The following PCDH9 variants were observed in gnomAD, a reference collection of about 807,000 sequenced individuals.
The protein encoded by PCDH9 is protocadherin 9.
PCDH9 carries 24 observed loss-of-function variants against 70.6 expected under a neutral mutation model. That is an observed-to-expected ratio of 0.34 (90% CI 0.25 to 0.48). PCDH9 has a LOEUF of 0.48. PCDH9 is among the 20% of genes least tolerant of loss of function. The probability of loss-of-function intolerance (pLI) is 0.99; values close to 1 mark genes in which losing one functional copy is unlikely to be tolerated. For synonymous variants in PCDH9, 562 were observed against 558.5 expected (o/e 1.01, Z -0.09); for missense variants, 1,281 against 1,503.6 (o/e 0.85, Z 2.45).
intron 3 of PCDH9, among the ~76,000 whole-genome samples, chr13:66,747,779 A>C (rs1310713217): frequency 1.3e-5 from 2 of 152,210 alleles, no homozygotes; most frequent in African/African-American, 4.8e-5. Context: ...TGAAGCACAC[A>C]TATGTATATA....
intron 2 of PCDH9, among the ~76,000 whole-genome samples, chr13:67,061,458 C>T (rs537910340): frequency 3.3e-5 from 5 of 152,032 alleles, no homozygotes; most frequent in African/African-American, 1.2e-4. Flanking sequence ...AAAATAATTG[C>T]TATATTCAAG....
intron 4 of PCDH9, among the ~76,000 whole-genome samples, chr13:66,448,641 A>G (rs916874138): frequency 7.2e-5 from 11 of 152,174 alleles, no homozygotes; most frequent in Non-Finnish European, 1.5e-4. Context: ...TGGGACAGAG[A>G]CTTAATTGTG....
chr13:66,938,681 C>T (rs2082957023), intron 2 of PCDH9, among the ~76,000 whole-genome samples: 1 of 152,066 alleles, frequency 6.6e-6, no homozygotes, highest in Non-Finnish European at 1.5e-5. Flanking sequence ...CTCACTTTTT[C>T]CCTCCACTCT....
At chr13:66,628,179 A>T (rs2077523540) in intron 4 of PCDH9, among the ~76,000 whole-genome samples, 1 of 152,196 alleles carries the variant, frequency 6.6e-6, no homozygotes, top group African/African-American at 2.4e-5. Flanking sequence ...TTTGGTCTAG[A>T]TGAACTTACC....
At chr13:67,121,855 G>T (rs1337009106) in intron 2 of PCDH9, among the ~76,000 whole-genome samples, 1 of 152,048 alleles carries the variant, frequency 6.6e-6, no homozygotes, top group African/African-American at 2.4e-5. Context: ...CATTTCTTCA[G>T]CTAGCTCTAG....
intron 3 of PCDH9, among the ~76,000 whole-genome samples, chr13:66,867,681 C>T (rs1561769): frequency 0.32 from 48,222 of 151,902 alleles, 8,794 homozygotes; most frequent in East Asian, 0.51. Flanking sequence ...CTTTCTTTGA[C>T]AACTTGGGTT....
intron 3 of PCDH9, among the ~76,000 whole-genome samples, chr13:66,636,569 T>A (rs1486488816): frequency 1.3e-5 from 2 of 152,140 alleles, no homozygotes; most frequent in Non-Finnish European, 1.5e-5. Flanking sequence ...TACATTGATA[T>A]TATGAAAATA....
intron 2 of PCDH9, among the ~76,000 whole-genome samples, chr13:67,199,613 A>G (rs2089160373): frequency 6.6e-6 from 1 of 152,052 alleles, no homozygotes. Context: ...ATTAAAGGAT[A>G]AAGGAATGGA....
At chr13:67,120,976 A>G (rs531248262) in intron 2 of PCDH9, among the ~76,000 whole-genome samples, 2 of 152,198 alleles carry the variant, frequency 1.3e-5, no homozygotes, top group East Asian at 1.9e-4. Flanking sequence ...GAAGCATTCC[A>G]TTGTTAACAC....
At chr13:67,163,665 T>G (rs769048099) in intron 2 of PCDH9, among the ~76,000 whole-genome samples, 1 of 152,190 alleles carries the variant, frequency 6.6e-6, no homozygotes, top group Non-Finnish European at 1.5e-5. Context: ...ATCCCAGAAT[T>G]TGCTGCGTCA....
chr13:67,142,387 G>A (rs995531257), intron 2 of PCDH9, among the ~76,000 whole-genome samples: 3 of 152,042 alleles, frequency 2.0e-5, no homozygotes, highest in African/African-American at 7.2e-5. Flanking sequence ...TAAAAAACAG[G>A]TATTTTACCA....
chr13:67,044,569 C>G (rs1212067372), intron 2 of PCDH9, among the ~76,000 whole-genome samples: 2 of 152,230 alleles, frequency 1.3e-5, no homozygotes, highest in Non-Finnish European at 2.9e-5. Flanking sequence ...TGCTCCAGGC[C>G]ATCCCTTTAA....
intron 2 of PCDH9, among the ~76,000 whole-genome samples, chr13:67,160,759 A>G (rs900298532): frequency 6.6e-6 from 1 of 152,196 alleles, no homozygotes. Context: ...AAAGTTACTT[A>G]CACTCACAGG....
At chr13:66,659,199 C>T (rs1428949170) in intron 3 of PCDH9, among the ~76,000 whole-genome samples, 3 of 152,232 alleles carry the variant, frequency 2.0e-5, no homozygotes, top group Admixed American at 1.3e-4. Context: ...GAATACTCTT[C>T]CACTAGTTTA....
intron 4 of PCDH9, among the ~76,000 whole-genome samples, chr13:66,378,914 A>G (rs1956794534): frequency 6.6e-6 from 1 of 152,224 alleles, no homozygotes; most frequent in Admixed American, 6.5e-5. Context: ...GCTGAATTAG[A>G]AAGATGACAC....
At chr13:66,903,404 G>A (rs2082308839) in intron 3 of PCDH9, 100 bp downstream of exon 3, 1 of 460,660 alleles carries the variant, frequency 2.2e-6, no homozygotes, top group African/African-American at 2.0e-5. Flanking sequence ...CAGAAGAGAT[G>A]GGCAAAGACA....
intron 2 of PCDH9, among the ~76,000 whole-genome samples, chr13:66,909,284 TA>T (rs973173877): frequency 2.0e-5 from 3 of 151,764 alleles, no homozygotes; most frequent in African/African-American, 7.3e-5. Flanking sequence ...AAACCCTGAT[TA>T]AAAAAAATCA....
chr13:66,368,585 A>G lies in PCDH9; in HGVS notation c.3341-63557T>C, dbSNP rs79142729. ...TATGTATATTCGTGTATATATATATATGTGTGTGTGTGTGTATTTATATAT... is the reference window on the plus strand; with the variant it reads ...TATGTATATTCGTGTATATATATATGTGTGTGTGTGTGTGTATTTATATAT... On this transcript the variant is annotated intron_variant, in intron 4 of 4. Coordinates refer to ENST00000377865, the MANE Select transcript of PCDH9 (RefSeq NM_203487.3). Among the ~76,000 whole-genome samples the G allele has an allele frequency of 4.3e-3, 638 of 149,954 alleles. 3 individuals are homozygous for G. Among genetic ancestry groups the G allele is most frequent in the African/African-American group, 0.015 (582 of 40,092 alleles).
At chr13:66,782,651 G>C (rs778927410) in intron 3 of PCDH9, 2 of 151,864 alleles carry the variant, frequency 1.3e-5, no homozygotes, top group Non-Finnish European at 2.9e-5. Flanking sequence ...ATTTATTTTC[G>C]CCATTCCTTT....
Sources: gnomAD v4.1 joint callset for allele counts (sites outside exome capture counted in the v4.1 genomes callset) on GRCh38, gnomAD v4.1.1 for gene constraint, MANE v1.5 for transcripts, NCBI Gene and HGNC (gene_info 2026-07-23, HGNC 2026-07-21) for gene names.